NFIA: variants seen among roughly 807,000 people sequenced by gnomAD.
NFIA encodes nuclear factor 1 A-type.
A neutral mutation model predicts 62.8 loss-of-function variants in NFIA; 8 were observed. That is an observed-to-expected ratio of 0.13 (90% CI 0.07 to 0.23). The LOEUF is 0.23. Ranked by LOEUF, NFIA falls within the 10% of genes least tolerant of loss-of-function variation. The pLI is 1.00. For missense variants in NFIA, 410 were observed against 642.1 expected, an observed-to-expected ratio of 0.64 and a Z score of 3.91; for synonymous variants, 235 against 238.1, an observed-to-expected ratio of 0.99 and a Z score of 0.12.
intron 2 of NFIA, among the ~76,000 whole-genome samples, chr1:61,203,755 G>C (rs1271456762): frequency 6.6e-6 from 1 of 152,102 alleles, no homozygotes; most frequent in Non-Finnish European, 1.5e-5. Flanking sequence ...CTTAGTGCTT[G>C]TGATGTTCTT....
chr1:61,094,583 A>T (rs1159320188), intron 2 of NFIA, among the ~76,000 whole-genome samples: 1 of 152,138 alleles, frequency 6.6e-6, no homozygotes, highest in Non-Finnish European at 1.5e-5. Flanking sequence ...GGCCATGGAG[A>T]TGTTTATTCT....
chr1:61,273,844 T>A (rs1657653702), intron 2 of NFIA, among the ~76,000 whole-genome samples: 1 of 152,206 alleles, frequency 6.6e-6, no homozygotes, highest in Admixed American at 6.5e-5. Flanking sequence ...CAATATTCTA[T>A]CTTTGTTTAT....
upstream of NFIA, among the ~76,000 whole-genome samples, chr1:61,078,503 T>C (rs1646058765): frequency 6.6e-6 from 1 of 152,228 alleles, no homozygotes; most frequent in Admixed American, 6.5e-5. Context: ...GGAAGTAATA[T>C]ATTGCGTATT....
At chr1:61,332,861 G>T (rs997255835) in intron 4 of NFIA, among the ~76,000 whole-genome samples, 3 of 152,238 alleles carry the variant, frequency 2.0e-5, no homozygotes, top group African/African-American at 7.2e-5. Flanking sequence ...CATTTTAAAA[G>T]AATTTGTTTT....
intron 6 of NFIA, among the ~76,000 whole-genome samples, chr1:61,372,015 T>C (rs989508751): frequency 2.0e-5 from 3 of 152,248 alleles, no homozygotes; most frequent in East Asian, 3.9e-4. Flanking sequence ...CTGTATAAAA[T>C]TGGATCCTTG....
intron 2 of NFIA, among the ~76,000 whole-genome samples, chr1:61,270,888 T>C (rs185368193): frequency 3.3e-5 from 5 of 152,306 alleles, no homozygotes; most frequent in Admixed American, 3.3e-4. Flanking sequence ...GAAAACAAAA[T>C]TCAAAATGAT....
chr1:61,442,582 T>G lies in NFIA; in HGVS notation c.1513-12721T>G, dbSNP rs982946849. Among the ~76,000 whole-genome samples, 195 of 148,286 alleles carry G rather than the reference T, an allele frequency of 1.3e-3. 1 individual carries two copies. Among genetic ancestry groups the G allele is most frequent in the African/African-American group, 4.7e-3 (190 of 40,682 alleles). On this transcript the variant is annotated intron_variant, in intron 10 of 10. Transcript: ENST00000403491. ...AGAGTTGCTTAAAAAAAAAAAAAAG[T>G]AACATTAGCAGTTATGTTTAATAGG... is the stretch of plus-strand genomic sequence containing the variant.
intron 10 of NFIA, among the ~76,000 whole-genome samples, chr1:61,431,201 T>C (rs1281514500): frequency 6.6e-6 from 1 of 151,986 alleles, no homozygotes; most frequent in African/African-American, 2.4e-5. Flanking sequence ...TCCCTGAAAA[T>C]GAGAACCATT....
chr1:61,226,437 T>C (rs1654338355), intron 2 of NFIA, among the ~76,000 whole-genome samples: 1 of 152,220 alleles, frequency 6.6e-6, no homozygotes, highest in Non-Finnish European at 1.5e-5. Context: ...TTTATGTATT[T>C]ATTAGGAATT....
intron 3 of NFIA, among the ~76,000 whole-genome samples, chr1:61,323,414 A>G (rs940293207): frequency 6.6e-6 from 1 of 152,240 alleles, no homozygotes; most frequent in Non-Finnish European, 1.5e-5. Context: ...GCACACTACC[A>G]AGTGAATTTT....
At chr1:61,238,498 T>G (rs1371289199) in intron 2 of NFIA, among the ~76,000 whole-genome samples, 1 of 152,170 alleles carries the variant, frequency 6.6e-6, no homozygotes, top group East Asian at 1.9e-4. Context: ...GTCAAGAAAC[T>G]GCATTTGTCT....
At chr1:61,167,713 G>A (rs1649680499) in intron 2 of NFIA, among the ~76,000 whole-genome samples, 1 of 152,128 alleles carries the variant, frequency 6.6e-6, no homozygotes, top group Non-Finnish European at 1.5e-5. Context: ...GTTGTTATTT[G>A]TTTGAGCCAA....
intron 7 of NFIA, among the ~76,000 whole-genome samples, chr1:61,391,272 A>G (rs1664962867): frequency 6.6e-6 from 1 of 152,032 alleles, no homozygotes; most frequent in Non-Finnish European, 1.5e-5. Flanking sequence ...TGTGTTACCT[A>G]GGCTGGTCTC....
chr1:61,416,193 C>T (rs531363687), intron 9 of NFIA, among the ~76,000 whole-genome samples: 142 of 152,200 alleles, frequency 9.3e-4, no homozygotes, highest in African/African-American at 3.3e-3. Context: ...GGTGCCTTAT[C>T]CAGTGAGAAA....
intron 2 of NFIA, among the ~76,000 whole-genome samples, chr1:61,257,861 G>GT (rs58077067): frequency 0.43 from 54,542 of 126,356 alleles, 12,446 homozygotes; most frequent in African/African-American, 0.63. Flanking sequence ...ATGCTTAGCT[G>GT]TTTTTTTTTT....
At chr1:61,131,085 C>T (rs889613214) in intron 2 of NFIA, among the ~76,000 whole-genome samples, 5 of 150,776 alleles carry the variant, frequency 3.3e-5, no homozygotes, top group African/African-American at 4.9e-5. Flanking sequence ...AATCTTCACA[C>T]GAAGCAAGAT....
rs1040326465 is a variant in NFIA at position 61,458,433 on chromosome 1, G to A, written c.*3113G>A. On this transcript the variant is annotated 3_prime_UTR_variant, in exon 11 of 11. Coordinates refer to ENST00000403491, the MANE Select transcript of NFIA (RefSeq NM_001134673.4). Reference sequence around the variant, plus strand: ...CATGTTGTAGTCATGACTGCAAAGAGAGAGAATAAACTGCCCGCTCAGAAG... The same window carrying A: ...CATGTTGTAGTCATGACTGCAAAGAAAGAGAATAAACTGCCCGCTCAGAAG... 3.3e-4 allele frequency: 50 copies of A among 152,332 alleles called. No individual in the cohort carries two copies. The highest frequency in any genetic ancestry group is 1.2e-3 in the African/African-American group (49 of 41,574). The allele number at this position is 152,332 out of a possible 1,614,324, so 9.4% of individuals were successfully genotyped here. A position where few individuals can be genotyped will look rare whatever the true frequency, so the allele number is the denominator to read the frequency against.
At chr1:61,393,709 G>A (rs1665127101) in intron 7 of NFIA, among the ~76,000 whole-genome samples, 1 of 152,114 alleles carries the variant, frequency 6.6e-6, no homozygotes. Context: ...AAACATTAGA[G>A]CTCTGTTTCC....
At chr1:61,384,534 G>A (rs548002354) in intron 7 of NFIA, among the ~76,000 whole-genome samples, 12 of 152,158 alleles carry the variant, frequency 7.9e-5, no homozygotes, top group African/African-American at 2.2e-4. Context: ...GCTTACTATC[G>A]ATATATAATT....
Sources: allele counts gnomAD v4.1 joint callset (sites outside exome capture counted in the v4.1 genomes callset), GRCh38; gene constraint gnomAD v4.1.1; transcripts MANE v1.5; gene names NCBI Gene and HGNC (gene_info 2026-07-23, HGNC 2026-07-21).